SPATA13: variants seen among roughly 807,000 people sequenced by gnomAD.
SPATA13 encodes spermatogenesis associated 13, also known as spermatogenesis-associated protein 13.
SPATA13 carries 50 observed loss-of-function variants against 104.0 expected under a neutral mutation model. The observed-to-expected ratio is 0.48, with a 90% CI of 0.38 to 0.61. SPATA13 has a LOEUF of 0.61. Among genes scored for constraint, SPATA13 ranks in the 20% least tolerant of loss-of-function variants. SPATA13 has a pLI of 0.00. For synonymous variants in SPATA13, 606 were observed against 667.5 expected (o/e 0.91, Z 1.42); for missense variants, 1,524 against 1,690.6 (o/e 0.90, Z 1.73).
At chr13:24,081,629 G>A (rs1879523764) in intron 3 of SPATA13, among the ~76,000 whole-genome samples, 1 of 152,098 alleles carries the variant, frequency 6.6e-6, no homozygotes, top group African/African-American at 2.4e-5. Context: ...AGCTATGATT[G>A]CACAACTGCA....
At chr13:24,198,148 A>C (rs538971366) in intron 1 of SPATA13, among the ~76,000 whole-genome samples, 1 of 152,224 alleles carries the variant, frequency 6.6e-6, no homozygotes, top group South Asian at 2.1e-4. Flanking sequence ...GGCGCCCGCC[A>C]CCATGCCAGC....
chr13:24,257,730 C>T (rs1873858976), intron 4 of SPATA13, among the ~76,000 whole-genome samples: 1 of 151,776 alleles, frequency 6.6e-6, no homozygotes, highest in South Asian at 2.1e-4. Flanking sequence ...CAGAGTGATA[C>T]AGTAATACGA....
chr13:24,147,798 C>T (rs1348237357), intron 3 of SPATA13, among the ~76,000 whole-genome samples: 9 of 152,194 alleles, frequency 5.9e-5, no homozygotes, highest in Non-Finnish European at 5.9e-5. Context: ...ATTCTACTTT[C>T]CTTTTCTGAG....
At chr13:24,214,907 G>C (rs1360238713) in intron 1 of SPATA13, among the ~76,000 whole-genome samples, 1 of 152,220 alleles carries the variant, frequency 6.6e-6, no homozygotes, top group African/African-American at 2.4e-5. Flanking sequence ...GCAAAAGTCA[G>C]AATATAGTAC....
At chr13:24,030,169 A>C (rs1168249489) in intron 3 of SPATA13, among the ~76,000 whole-genome samples, 1 of 152,048 alleles carries the variant, frequency 6.6e-6, no homozygotes, top group Admixed American at 6.5e-5. Context: ...CTGATGAACC[A>C]ACACTGACAC....
At chr13:24,131,396 T>C (rs1881385906) in intron 3 of SPATA13, among the ~76,000 whole-genome samples, 2 of 152,170 alleles carry the variant, frequency 1.3e-5, no homozygotes, top group African/African-American at 4.8e-5. Context: ...CACAAAACCA[T>C]CTACCCGAAG....
chr13:24,159,875 TAGAA>T (rs1297868146), upstream of SPATA13, among the ~76,000 whole-genome samples: 6 of 152,238 alleles, frequency 3.9e-5, no homozygotes, highest in African/African-American at 1.4e-4. Context: ...ACTACACTGG[TAGAA>T]AGCATGCATT....
intron 3 of SPATA13, among the ~76,000 whole-genome samples, chr13:24,100,772 C>T (rs1198593073): frequency 6.6e-6 from 1 of 152,212 alleles, no homozygotes; most frequent in Non-Finnish European, 1.5e-5. Context: ...TCCTCACTCC[C>T]GTGCTGCCTG....
intron 3 of SPATA13, among the ~76,000 whole-genome samples, chr13:24,078,503 G>A (rs1313277754): frequency 1.3e-5 from 2 of 152,126 alleles, no homozygotes; most frequent in African/African-American, 4.8e-5. Flanking sequence ...AGTGACTAGT[G>A]GAGCCAAGTT....
chr13:24,237,056 T>C (rs1413296872), intron 2 of SPATA13, among the ~76,000 whole-genome samples: 1 of 152,226 alleles, frequency 6.6e-6, no homozygotes, highest in Non-Finnish European at 1.5e-5. Flanking sequence ...ATATTATTTA[T>C]GCCTTAACAA....
chr13:24,123,595 T>C (rs566306638), intron 3 of SPATA13: 1 of 1,608,478 alleles, frequency 6.2e-7, no homozygotes. Context: ...TTCCTCTTAC[T>C]ACAGGCTGTA....
chr13:24,157,899 T>A (rs943070973), upstream of SPATA13, among the ~76,000 whole-genome samples: 1 of 152,194 alleles, frequency 6.6e-6, no homozygotes, highest in African/African-American at 2.4e-5. Flanking sequence ...TCAACCCTTC[T>A]AACTTCATTT....
chr13:24,272,354 C>T (rs2138698946), intron 4 of SPATA13, among the ~76,000 whole-genome samples: 1 of 152,362 alleles, frequency 6.6e-6, no homozygotes, highest in South Asian at 2.1e-4. Flanking sequence ...ACAGCAGTCC[C>T]TCACCTGCCT....
chr13:24,220,935 G>C (rs933391815), intron 1 of SPATA13, among the ~76,000 whole-genome samples: 3 of 152,216 alleles, frequency 2.0e-5, no homozygotes, highest in African/African-American at 7.2e-5. Flanking sequence ...ATAGGGATAC[G>C]CTAAATTGGG....
intron 3 of SPATA13, among the ~76,000 whole-genome samples, chr13:24,118,373 T>C (rs1352967296): frequency 6.6e-6 from 1 of 152,180 alleles, no homozygotes; most frequent in Non-Finnish European, 1.5e-5. Context: ...ACAAAACTAC[T>C]CTTACTAGTT....
In SPATA13 at chr13:24,306,495, G is replaced by C. The variant is rs1201102107; in HGVS notation, c.*3722G>C. On this transcript the variant is annotated 3_prime_UTR_variant, in exon 13 of 13. Transcript: ENST00000382108. ...GAAATGGAGGACCCAAGTCAACTAG[G>C]TGAAACTACTAGCAGACCCAGCTTT... 1 of 152,100 alleles carries C rather than the reference G, an allele frequency of 6.6e-6. No homozygotes were observed. The highest frequency in any genetic ancestry group is 2.4e-5 in the African/African-American group (1 of 41,424). The allele number at this position is 152,100 out of a possible 1,614,324, so 9.4% of individuals were successfully genotyped here.
At chr13:24,190,017 T>TAA (rs1309885176) in intron 1 of SPATA13, among the ~76,000 whole-genome samples, 1 of 67,594 alleles carries the variant, frequency 1.5e-5, no homozygotes, top group African/African-American at 7.1e-5. Context: ...TATTATTATA[T>TAA]AACATAATGA....
intron 1 of SPATA13, among the ~76,000 whole-genome samples, chr13:24,214,539 T>C (rs1871184936): frequency 6.6e-6 from 1 of 152,246 alleles, no homozygotes; most frequent in Admixed American, 6.5e-5. Context: ...GGATGTTGTG[T>C]GACTAGCACA....
intron 3 of SPATA13, among the ~76,000 whole-genome samples, chr13:24,132,155 A>G (rs1309921584): frequency 6.6e-6 from 1 of 152,242 alleles, no homozygotes; most frequent in African/African-American, 2.4e-5. Flanking sequence ...CAGAAGTAGG[A>G]ACCATCTTAA....
Sources: allele counts gnomAD v4.1 joint callset (sites outside exome capture counted in the v4.1 genomes callset), GRCh38; gene constraint gnomAD v4.1.1; transcripts MANE v1.5; gene names NCBI Gene and HGNC (gene_info 2026-07-23, HGNC 2026-07-21).